WDFY4: variants seen among roughly 807,000 people sequenced by gnomAD.
WDFY4 encodes WD repeat- and FYVE domain-containing protein 4.
In WDFY4, 169 loss-of-function variants were observed where a neutral mutation model predicts 351.9. The observed-to-expected ratio is 0.48, with a 90% CI of 0.42 to 0.55. The LOEUF (loss-of-function observed/expected upper bound fraction) is 0.55. Among genes scored for constraint, WDFY4 ranks in the 20% least tolerant of loss-of-function variants. The pLI is 0.00. For synonymous variants in WDFY4, 1,622 were observed against 1,574.6 expected, an observed-to-expected ratio of 1.03 and a Z score of -0.71; for missense variants, 3,803 against 3,935.6, an observed-to-expected ratio of 0.97 and a Z score of 0.90.
At chr10:48,808,798 G>A (rs1429513284) in intron 28 of WDFY4, among the ~76,000 whole-genome samples, 3 of 152,228 alleles carry the variant, frequency 2.0e-5, no homozygotes, top group Non-Finnish European at 4.4e-5. Flanking sequence ...GGAATGTAGT[G>A]CAGTGCCTAA....
chr10:48,957,213 G>A lies in WDFY4; in HGVS notation c.8062G>A (p.Val2688Ile), dbSNP rs61733228. Residue 2688 changes from valine to isoleucine, a missense_variant, in exon 52 of 62, where the codon GTC becomes ATC. Transcript: ENST00000325239. ...ESASRENMSD[V>I]RELTPEFFYL... ...GGCCTCCAGAGAGAACATGAGTGAC[G>A]TCAGGGAGCTGACCCCAGAGTTCTT... 1.6e-3 allele frequency: 2,494 copies of A among 1,551,694 alleles called. 20 individuals are homozygous for A. In the African/African-American group the frequency reaches 0.022, roughly 14 times the overall value.
intron 47 of WDFY4, among the ~76,000 whole-genome samples, chr10:48,911,392 C>T (rs945157838): frequency 6.6e-6 from 1 of 152,162 alleles, no homozygotes; most frequent in Admixed American, 6.5e-5. Flanking sequence ...TGTTAAAAGA[C>T]ACCCTTTAAC....
chr10:48,939,431 C>A (rs570107391), intron 47 of WDFY4, among the ~76,000 whole-genome samples: 7 of 152,246 alleles, frequency 4.6e-5, no homozygotes, highest in Non-Finnish European at 7.4e-5. Context: ...TTGCTCGGGG[C>A]CCCCCATTTA....
intron 23 of WDFY4, among the ~76,000 whole-genome samples, chr10:48,795,402 G>A: frequency 6.6e-6 from 1 of 150,758 alleles, no homozygotes; most frequent in East Asian, 2.0e-4. Context: ...TTGATGTAAA[G>A]TGAAGCCAGT....
At chr10:48,892,657 A>G (rs768584498) in intron 44 of WDFY4, among the ~76,000 whole-genome samples, 4 of 152,242 alleles carry the variant, frequency 2.6e-5, no homozygotes, top group Non-Finnish European at 5.9e-5. Flanking sequence ...TAAAGAAGAT[A>G]CATAAATAAA....
chr10:48,900,154 T>A, intron 45 of WDFY4, 67 bp from the exon 46 acceptor site: 1 of 1,399,086 alleles, frequency 7.1e-7, no homozygotes, highest in Non-Finnish European at 9.8e-7. Context: ...TTCCAGCAGC[T>A]GTGTCACCCT....
chr10:48,976,592 C>A, intron 58 of WDFY4: 1 of 394,614 alleles, frequency 2.5e-6, no homozygotes, highest in Non-Finnish European at 4.4e-6. Context: ...CACATGACTG[C>A]AGTATGAAAA....
At chr10:48,792,992 G>A (rs920461876) in intron 23 of WDFY4, among the ~76,000 whole-genome samples, 3 of 152,184 alleles carry the variant, frequency 2.0e-5, no homozygotes, top group Admixed American at 6.5e-5. Flanking sequence ...AGGTAGAGGG[G>A]TCAAAAAGGG....
chr10:48,823,263 A>G, intron 35 of WDFY4: 1 of 1,298,522 alleles, frequency 7.7e-7, no homozygotes, highest in Non-Finnish European at 1.0e-6. Flanking sequence ...GTGATGGGGA[A>G]CCCCCTAAAA....
intron 19 of WDFY4, among the ~76,000 whole-genome samples, chr10:48,785,183 T>C (rs1658432067): frequency 6.6e-6 from 1 of 152,198 alleles, no homozygotes; most frequent in East Asian, 1.9e-4. Flanking sequence ...TTTTAAGGGT[T>C]TTAGGGTTTT....
chr10:48,834,041 A>G (rs1273592629), intron 39 of WDFY4, among the ~76,000 whole-genome samples: 1 of 152,224 alleles, frequency 6.6e-6, no homozygotes, highest in East Asian at 1.9e-4. Context: ...GAAGTCCAGA[A>G]ATGAATGGCT....
intron 7 of WDFY4, among the ~76,000 whole-genome samples, chr10:48,729,143 C>T (rs562804981): frequency 1.3e-5 from 2 of 149,748 alleles, no homozygotes; most frequent in South Asian, 2.1e-4. Flanking sequence ...TCTGCTGATG[C>T]CCTAACCACA....
intron 1 of WDFY4, among the ~76,000 whole-genome samples, chr10:48,704,753 C>T (rs897183934): frequency 1.4e-4 from 22 of 152,222 alleles, no homozygotes; most frequent in Admixed American, 3.9e-4. Context: ...CACCGACTGG[C>T]GAAGGGACCC....
chr10:48,705,358 C>T (rs565596396), intron 1 of WDFY4, among the ~76,000 whole-genome samples: 2 of 152,268 alleles, frequency 1.3e-5, no homozygotes, highest in South Asian at 4.2e-4. Context: ...GTGAGTGCCT[C>T]CTTCATTGCC....
chr10:48,750,038 G>A (rs9629919), intron 12 of WDFY4, among the ~76,000 whole-genome samples: 1,699 of 152,308 alleles, frequency 0.011, 31 homozygotes, highest in African/African-American at 0.038. Context: ...GTTTCATGGG[G>A]CACTCTGCAG....
In WDFY4 at chr10:48,803,248, C is replaced by T. The variant is rs761135916; in HGVS notation, c.4411-38C>T. 2.1e-5 allele frequency: 33 copies of T among 1,546,364 alleles called. No individual in the cohort carries two copies. The South Asian group carries it at 3.5e-4, about 16-fold the overall frequency. On this transcript the variant is annotated intron_variant, in intron 24 of 61. Coordinates refer to ENST00000325239, the MANE Select transcript of WDFY4 (RefSeq NM_001394531.1). ...CTTCCTGCAAATCATTCTTCTCCCA[C>T]ACCTTCATTTTAGCATGTGTTTTGT...
At position 48,780,040 on chromosome 10, in the gene WDFY4, C is replaced by T. The variant is rs772305224; in HGVS notation, c.3497C>T (p.Ala1166Val). 5 of 1,551,942 alleles carry T rather than the reference C, an allele frequency of 3.2e-6. No homozygotes were observed. The South Asian group carries it at 4.8e-5, about 15-fold the overall frequency. ...LLACGQWHHL[A>V]VVVTKEMKRH... Reference sequence around the variant, plus strand: ...GCTTGTGGTCAGTGGCATCACTTGGCTGTGGTTGTCACTAAGGAAATGAAA... The same window carrying T: ...GCTTGTGGTCAGTGGCATCACTTGGTTGTGGTTGTCACTAAGGAAATGAAA... The change falls in exon 19 of 62, where the codon GCT (alanine) becomes GTT (valine). Residue 1166 changes from alanine to valine, a missense_variant. Coordinates refer to ENST00000325239, the MANE Select transcript of WDFY4 (RefSeq NM_001394531.1).
intron 43 of WDFY4, among the ~76,000 whole-genome samples, chr10:48,880,855 C>T (rs1393028944): frequency 6.6e-6 from 1 of 152,150 alleles, no homozygotes; most frequent in Non-Finnish European, 1.5e-5. Context: ...ACCAGGCACG[C>T]CTGCTTCTGG....
At chr10:48,750,271 A>T (rs1033706326) in intron 12 of WDFY4, among the ~76,000 whole-genome samples, 1 of 152,188 alleles carries the variant, frequency 6.6e-6, no homozygotes, top group Non-Finnish European at 1.5e-5. Flanking sequence ...GAAGGCACAG[A>T]TGTGACCCTG....
Sources: gnomAD v4.1 joint callset for allele counts (sites outside exome capture counted in the v4.1 genomes callset) on GRCh38, gnomAD v4.1.1 for gene constraint, MANE v1.5 for transcripts, NCBI Gene and HGNC (gene_info 2026-07-23, HGNC 2026-07-21) for gene names.